CPEB2: variants seen among roughly 807,000 people sequenced by gnomAD.
CPEB2 encodes cytoplasmic polyadenylation element binding protein 2, also known as cytoplasmic polyadenylation element-binding protein 2.
Under a neutral mutation model 93.6 loss-of-function variants are expected in CPEB2, and 56 were observed. That is an observed-to-expected ratio of 0.60 (90% CI 0.48 to 0.75). The LOEUF (loss-of-function observed/expected upper bound fraction) is 0.75, where lower values mean the gene tolerates loss of function less well. Ranked by LOEUF, CPEB2 falls within the 30% of genes least tolerant of loss-of-function variation. CPEB2 has a pLI of 0.00. For missense variants in CPEB2, 1,579 were observed against 1,395.1 expected (o/e 1.13, Z -2.10); for synonymous variants, 764 against 586.3 (o/e 1.30, Z -4.38).
chr4:15,058,062 G>A (rs779013047), intron 8 of CPEB2, among the ~76,000 whole-genome samples: 24 of 152,066 alleles, frequency 1.6e-4, no homozygotes, highest in Admixed American at 2.6e-4. Context: ...GGCTGACCTC[G>A]GTTTGAAATT....
intron 3 of CPEB2, among the ~76,000 whole-genome samples, chr4:15,016,275 C>A (rs1724133141): frequency 6.6e-6 from 1 of 151,968 alleles, no homozygotes; most frequent in South Asian, 2.1e-4. Flanking sequence ...TGGGAAGACT[C>A]CTAGATTATT....
chr4:15,035,944 A>G (rs796348085), intron 5 of CPEB2, among the ~76,000 whole-genome samples: 47 of 152,316 alleles, frequency 3.1e-4, no homozygotes, highest in African/African-American at 1.1e-3. Flanking sequence ...TACTGTTACA[A>G]TTGTTGGGCC....
intron 6 of CPEB2, among the ~76,000 whole-genome samples, chr4:15,050,202 C>G (rs1412118860): frequency 1.3e-5 from 2 of 152,116 alleles, no homozygotes; most frequent in East Asian, 3.9e-4. Context: ...CCTGTCAGAT[C>G]AGCAGTAGCA....
chr4:15,012,081 A>C (rs2108970045), intron 3 of CPEB2, among the ~76,000 whole-genome samples: 1 of 152,368 alleles, frequency 6.6e-6, no homozygotes, highest in Admixed American at 6.5e-5. Flanking sequence ...GTTGCATACC[A>C]AACCCAATTT....
intron 1 of CPEB2, chr4:15,005,094 G>A (rs1219720960): frequency 6.6e-6 from 1 of 152,214 alleles, no homozygotes; most frequent in Non-Finnish European, 1.5e-5. Context: ...TCGGGAGGGA[G>A]CGGCCGACCG....
intron 3 of CPEB2, among the ~76,000 whole-genome samples, chr4:15,012,408 TAAAAG>T (rs1723607561): frequency 1.3e-5 from 2 of 152,142 alleles, no homozygotes; most frequent in African/African-American, 2.4e-5. Context: ...ATAAAGAAAA[TAAAAG>T]AAATGTATCT....
chr4:15,051,481 A>G (rs997701037), intron 6 of CPEB2, among the ~76,000 whole-genome samples: 3 of 152,174 alleles, frequency 2.0e-5, no homozygotes, highest in Admixed American at 6.5e-5. Context: ...ACTGAAAACC[A>G]TGTTCCTGTA....
intron 8 of CPEB2, among the ~76,000 whole-genome samples, chr4:15,055,887 T>C (rs926928088): frequency 6.6e-6 from 1 of 152,164 alleles, no homozygotes; most frequent in Admixed American, 6.6e-5. Context: ...TCCCTACTTA[T>C]CTTTTGTATC....
At chr4:15,021,145 T>A (rs1404385420) in intron 4 of CPEB2, among the ~76,000 whole-genome samples, 1 of 152,158 alleles carries the variant, frequency 6.6e-6, no homozygotes, top group East Asian at 1.9e-4. Flanking sequence ...TATCTTTTGC[T>A]ATGGATCGTG....
intron 3 of CPEB2, among the ~76,000 whole-genome samples, chr4:15,009,386 T>C (rs963234945): frequency 6.6e-6 from 1 of 152,260 alleles, no homozygotes; most frequent in Non-Finnish European, 1.5e-5. Context: ...AAGTCCTGCC[T>C]GTTTTCCAAA....
chr4:15,058,508 G>C lies in CPEB2; in HGVS notation c.2549G>C (p.Cys850Ser). Residue 850 changes from cysteine to serine, a missense_variant, in exon 9 of 12, where the codon TGT becomes TCT. Physicochemically the swap from Cys to Ser is moderately radical, Grantham distance 112. Coordinates refer to ENST00000538197, the MANE Select transcript of CPEB2 (RefSeq NM_001177382.2). ...CIEEDGKLYL[C>S]VSSPTIKDKP... ...GAAGAAGATGGAAAACTCTATCTGT[G>C]TGTTTCTAGCCCTACTATCAAGGAC... 2.5e-6 allele frequency: 4 copies of C among 1,609,106 alleles called. No individual in the cohort carries two copies. Among genetic ancestry groups the C allele is most frequent in the Non-Finnish European group, 3.4e-6 (4 of 1,175,684 alleles).
intron 6 of CPEB2, among the ~76,000 whole-genome samples, chr4:15,045,661 G>A (rs1411367716): frequency 6.6e-6 from 1 of 152,086 alleles, no homozygotes; most frequent in Non-Finnish European, 1.5e-5. Context: ...ATTGTTTTGA[G>A]TATAGGGTTT....
intron 2 of CPEB2, among the ~76,000 whole-genome samples, chr4:15,007,792 A>G (rs1330679616): frequency 6.6e-6 from 1 of 152,230 alleles, no homozygotes; most frequent in Non-Finnish European, 1.5e-5. Context: ...GCAATGGAAA[A>G]TAAGCTTAGT....
At chr4:15,044,724 T>C (rs529594782) in intron 6 of CPEB2, among the ~76,000 whole-genome samples, 10 of 152,264 alleles carry the variant, frequency 6.6e-5, no homozygotes, top group Admixed American at 6.5e-4. Flanking sequence ...TCTGTTGTTT[T>C]GATAGTTTTT....
At chr4:15,034,893 T>G (rs1407642400) in intron 5 of CPEB2, among the ~76,000 whole-genome samples, 1 of 152,110 alleles carries the variant, frequency 6.6e-6, no homozygotes. Flanking sequence ...TAAGGGGATG[T>G]TTTTCTTGAG....
intron 11 of CPEB2, among the ~76,000 whole-genome samples, chr4:15,065,835 G>T (rs1183671556): frequency 6.6e-6 from 1 of 152,050 alleles, no homozygotes; most frequent in African/African-American, 2.4e-5. Flanking sequence ...AAAAGGTGTG[G>T]AAACTGTCTT....
intron 11 of CPEB2, among the ~76,000 whole-genome samples, chr4:15,064,946 AAAAC>A (rs1246975397): frequency 5.9e-5 from 9 of 152,170 alleles, no homozygotes; most frequent in Non-Finnish European, 1.0e-4. Flanking sequence ...ATCAATTTAA[AAAAC>A]AAACAAAACT....
chr4:15,007,639 G>T, intron 2 of CPEB2, 53 bp downstream of exon 2: 2 of 1,225,034 alleles, frequency 1.6e-6, no homozygotes, highest in Non-Finnish European at 1.1e-6. Context: ...TTCAAAATAG[G>T]GAGTTGGGTG....
chr4:15,042,116 T>A (rs1727242321), intron 6 of CPEB2, among the ~76,000 whole-genome samples: 1 of 152,220 alleles, frequency 6.6e-6, no homozygotes, highest in Non-Finnish European at 1.5e-5. Context: ...CACTTACCAG[T>A]CTGTGATTTT....
Sources: allele counts gnomAD v4.1 joint callset (sites outside exome capture counted in the v4.1 genomes callset), GRCh38; gene constraint gnomAD v4.1.1; transcripts MANE v1.5; gene names NCBI Gene and HGNC (gene_info 2026-07-23, HGNC 2026-07-21).